UST: variants seen among roughly 807,000 people sequenced by gnomAD.
UST encodes chondroitin sulfate 2-O-sulfotransferase.
A neutral mutation model predicts 45.6 loss-of-function variants in UST; 21 were observed. That is an observed-to-expected ratio of 0.46 (90% confidence interval 0.33 to 0.66). The LOEUF is 0.66. Ranked by LOEUF, UST falls within the 30% of genes least tolerant of loss-of-function variation. The pLI, the probability that UST is intolerant of heterozygous loss-of-function variation, is 0.02. For missense variants in UST, 463 were observed against 512.4 expected, an observed-to-expected ratio of 0.90 and a Z score of 0.93; for synonymous variants, 215 against 200.6, an observed-to-expected ratio of 1.07 and a Z score of -0.61.
chr6:148,977,353 AC>A (rs1207727352), intron 5 of UST, among the ~76,000 whole-genome samples: 1 of 152,164 alleles, frequency 6.6e-6, no homozygotes, highest in Non-Finnish European at 1.5e-5. Flanking sequence ...ATTTATATAT[AC>A]ATTTTATTAT....
chr6:148,941,543 GT>G (rs1780126416), intron 3 of UST, 109 bp downstream of exon 3: 1 of 1,276,838 alleles, frequency 7.8e-7, no homozygotes, highest in Admixed American at 2.7e-5. Flanking sequence ...GAATACCAGA[GT>G]TTTGATTTCA....
At chr6:148,919,437 TG>T (rs1562299878) in intron 2 of UST, among the ~76,000 whole-genome samples, 1 of 147,732 alleles carries the variant, frequency 6.8e-6, no homozygotes, top group East Asian at 1.9e-4. Context: ...TGTGTGTGTG[TG>T]TGTGTGTACA....
chr6:148,850,445 CTA>C (rs1382532554), intron 1 of UST, among the ~76,000 whole-genome samples: 2 of 152,196 alleles, frequency 1.3e-5, no homozygotes, highest in Non-Finnish European at 2.9e-5. Flanking sequence ...GGAGAGCAAA[CTA>C]ATCAAAAAAG....
intron 7 of UST, among the ~76,000 whole-genome samples, chr6:149,024,184 C>A (rs1295586302): frequency 6.6e-6 from 1 of 152,160 alleles, no homozygotes; most frequent in Non-Finnish European, 1.5e-5. Context: ...CCTGGCTGCC[C>A]GTCCTTGTTA....
intron 4 of UST, 63 bp downstream of exon 4, chr6:148,954,014 T>C: frequency 7.4e-7 from 1 of 1,354,116 alleles, no homozygotes; most frequent in Non-Finnish European, 1.0e-6. Context: ...ACTTTAGAAA[T>C]CTACCTTTAT....
At chr6:148,890,369 T>G (rs1778993149) in intron 2 of UST, among the ~76,000 whole-genome samples, 1 of 152,112 alleles carries the variant, frequency 6.6e-6, no homozygotes, top group Non-Finnish European at 1.5e-5. Context: ...ATGCAGACGA[T>G]GAGGACTCAC....
rs1328928275 is a variant in UST, at chr6:148,901,334, TATA to T, written c.291+14310_291+14312del. On this transcript the variant is annotated intron_variant, in intron 2 of 7. Coordinates refer to ENST00000367463, the MANE Select transcript of UST (RefSeq NM_005715.3). Reference sequence around the variant, plus strand: ...TCAAGATAGGTTAGGGTGATGCAATTATAATAAACTCCAAAATCTTAGTGGCTT... The same window carrying T: ...TCAAGATAGGTTAGGGTGATGCAATTATAAACTCCAAAATCTTAGTGGCTT... Among the ~76,000 whole-genome samples, 15 of 152,336 alleles carry T rather than the reference TATA, an allele frequency of 9.8e-5. No individual in the cohort carries two copies. The East Asian group carries it at 2.7e-3, about 27-fold the overall frequency.
chr6:148,889,126 C>T (rs1443302338), intron 2 of UST, among the ~76,000 whole-genome samples: 8 of 152,226 alleles, frequency 5.3e-5, no homozygotes, highest in Non-Finnish European at 1.0e-4. Flanking sequence ...TTGCTGGGCC[C>T]AGGCCCCAGA....
chr6:148,751,705 GC>G (rs1249637062), intron 1 of UST, among the ~76,000 whole-genome samples: 1 of 152,076 alleles, frequency 6.6e-6, no homozygotes, highest in African/African-American at 2.4e-5. Flanking sequence ...CTACACTTAA[GC>G]TTGGAGACCA....
intron 1 of UST, among the ~76,000 whole-genome samples, chr6:148,808,443 T>C (rs1181566974): frequency 6.6e-6 from 1 of 152,006 alleles, no homozygotes; most frequent in East Asian, 2.0e-4. Context: ...GTGGGCTTTC[T>C]ACTCCTGCCC....
chr6:148,754,140 G>A (rs1318228532), intron 1 of UST, among the ~76,000 whole-genome samples: 5 of 151,750 alleles, frequency 3.3e-5, no homozygotes, highest in East Asian at 1.9e-4. Context: ...GACTACAGGC[G>A]GCCGCCACCA....
At chr6:148,762,760 T>A (rs966776992) in intron 1 of UST, among the ~76,000 whole-genome samples, 2 of 149,990 alleles carry the variant, frequency 1.3e-5, no homozygotes, top group African/African-American at 5.0e-5. Flanking sequence ...ACCCATTGTT[T>A]AGCTCTCACT....
rs560693059 is a variant in UST at position 148,775,471 on chromosome 6, C to T, written c.247+27794C>T. ...GCCACCCCTCAGACTTGGAAAGGAG[C>T]TCATAAAAGTAAGGGCTCCTGAAAT... On this transcript the variant is annotated intron_variant, in intron 1 of 7. Transcript: ENST00000367463. 7.9e-5 allele frequency among the ~76,000 whole-genome samples: 12 copies of T among 152,192 alleles called. No individual in the cohort carries two copies. The South Asian group carries it at 2.5e-3, about 32-fold the overall frequency.
rs777762143 is a variant in UST at position 148,947,366 on chromosome 6, C to T, written c.447+5932C>T. Among the ~76,000 whole-genome samples, 46 of 152,146 alleles carry T rather than the reference C, an allele frequency of 3.0e-4. 1 individual carries two copies. The highest frequency in any genetic ancestry group is 6.2e-4 in the Non-Finnish European group (42 of 68,032). On this transcript the variant is annotated intron_variant, in intron 3 of 7. Coordinates refer to ENST00000367463, the MANE Select transcript of UST (RefSeq NM_005715.3). ...ATAGGCACCAAAATCTGCTGGGGAGCGTTCTCACAATATGTGTATTCAGGT... is the reference window on the plus strand; with the variant it reads ...ATAGGCACCAAAATCTGCTGGGGAGTGTTCTCACAATATGTGTATTCAGGT...
At position 148,879,267 on chromosome 6, in the gene UST, T is replaced by C. The variant is rs544610473; in HGVS notation, c.248-7719T>C. On this transcript the variant is annotated intron_variant, in intron 1 of 7. Transcript: ENST00000367463. ...CCTGTCACTGGGAGTTCTGTGATCATCCACGCTCCATCAGCATTCTCTTTT... is the reference window on the plus strand; with the variant it reads ...CCTGTCACTGGGAGTTCTGTGATCACCCACGCTCCATCAGCATTCTCTTTT... 1.2e-4 allele frequency among the ~76,000 whole-genome samples: 19 copies of C among 152,306 alleles called. No individual in the cohort carries two copies. In the East Asian group the frequency reaches 3.7e-3, roughly 29 times the overall value.
intron 2 of UST, among the ~76,000 whole-genome samples, chr6:148,898,808 T>C (rs1562293607): frequency 6.6e-6 from 1 of 152,222 alleles, no homozygotes; most frequent in Non-Finnish European, 1.5e-5. Context: ...TGATAAGATG[T>C]TCACCAAGCC....
At chr6:149,005,438 A>G in intron 5 of UST, 3 of 985,450 alleles carry the variant, frequency 3.0e-6, no homozygotes, top group Non-Finnish European at 3.6e-6. Flanking sequence ...GAAAAAGGGC[A>G]TGCAACCTCA....
At position 148,747,469 on chromosome 6, in the gene UST, T is replaced by A. The variant is rs767518867; in HGVS notation, c.39T>A (p.Asp13Glu). ...KKQQHPGGGADPWPHGAPMGG... is the reference protein window; with the variant it reads ...KKQQHPGGGAEPWPHGAPMGG... ...AGCAGCATCCCGGCGGCGGCGCGGA[T>A]CCCTGGCCCCATGGGGCCCCTATGG... Residue 13 changes from aspartate (D) to glutamate (E), a missense_variant, in exon 1 of 8, where the codon GAT becomes GAA. Physicochemically the swap from Asp to Glu is conservative, Grantham distance 45. Around this residue, in one of 2 missense-constraint regions of UST, gnomAD observed 176 missense variants for 138.3 expected, o/e 1.27. Coordinates refer to ENST00000367463, the MANE Select transcript of UST (RefSeq NM_005715.3). 6.8e-7 allele frequency: 1 copy of A among 1,466,796 alleles called. No homozygotes were observed. Among genetic ancestry groups the A allele is most frequent in the East Asian group, 2.8e-5 (1 of 35,934 alleles). The allele number at this position is 1,466,796 out of a possible 1,614,324, so 90.9% of individuals were successfully genotyped here.
At chr6:149,063,655 T>C (rs1251566985) in intron 7 of UST, among the ~76,000 whole-genome samples, 2 of 152,198 alleles carry the variant, frequency 1.3e-5, no homozygotes, top group Non-Finnish European at 1.5e-5. Context: ...TGCCCAGCTG[T>C]CTGTCTCCAT....
Sources: allele counts gnomAD v4.1 joint callset (sites outside exome capture counted in the v4.1 genomes callset), GRCh38; gene constraint gnomAD v4.1.1; regional missense constraint gnomAD v4.1.1; transcripts MANE v1.5; gene names NCBI Gene and HGNC (gene_info 2026-07-23, HGNC 2026-07-21).